Variants in PTPRD observed in about 807,000 individuals in gnomAD.
The protein encoded by PTPRD is receptor-type tyrosine-protein phosphatase delta.
A neutral mutation model predicts 214.5 loss-of-function variants in PTPRD; 34 were observed. That is an observed-to-expected ratio of 0.16 (90% CI 0.12 to 0.21). The LOEUF (loss-of-function observed/expected upper bound fraction) is 0.21. Ranked by LOEUF, PTPRD falls within the 10% of genes least tolerant of loss-of-function variation. The pLI is 1.00. For missense variants in PTPRD, 2,545 were observed against 2,398.7 expected, an observed-to-expected ratio of 1.06 and a Z score of -1.27; for synonymous variants, 1,128 against 845.7, an observed-to-expected ratio of 1.33 and a Z score of -5.79.
chr9:8,740,047 A>G lies in PTPRD; in HGVS notation c.-103-6101T>C, dbSNP rs545005902. Among the ~76,000 whole-genome samples, 61 of 152,244 alleles carry G rather than the reference A, an allele frequency of 4.0e-4. 1 individual carries two copies. Among genetic ancestry groups the G allele is most frequent in the Admixed American group, 1.3e-3 (20 of 15,288 alleles). On this transcript the variant is annotated intron_variant, in intron 11 of 45. Transcript: ENST00000381196. ...ATCAACAGTGTGAAAGCAGACTAAT[A>G]CACTAACCCACCCATGTCCCTCATC...
At chr9:10,337,342 A>T (rs1036755729) in intron 3 of PTPRD, among the ~76,000 whole-genome samples, 2 of 151,714 alleles carry the variant, frequency 1.3e-5, no homozygotes, top group Non-Finnish European at 3.0e-5. Context: ...ATGCTATTCA[A>T]CGTAGCACAC....
At chr9:9,096,438 C>T (rs543695482) in intron 10 of PTPRD, among the ~76,000 whole-genome samples, 13 of 152,258 alleles carry the variant, frequency 8.5e-5, no homozygotes, top group African/African-American at 3.1e-4. Flanking sequence ...AACTCCAGCA[C>T]TGAAAATTAT....
chr9:9,280,335 TATAAC>T (rs1204824928), intron 9 of PTPRD, among the ~76,000 whole-genome samples: 2 of 151,326 alleles, frequency 1.3e-5, no homozygotes, highest in South Asian at 2.1e-4. Context: ...AATAGGGAAA[TATAAC>T]ATATAACTGA....
intron 7 of PTPRD, among the ~76,000 whole-genome samples, chr9:9,698,629 GC>G (rs1308636566): frequency 1.3e-5 from 2 of 152,120 alleles, no homozygotes; most frequent in Non-Finnish European, 2.9e-5. Context: ...CCAGTCTCTG[GC>G]TGTCTTCAGG....
At chr9:9,667,300 G>A (rs1454209570) in intron 7 of PTPRD, among the ~76,000 whole-genome samples, 1 of 151,858 alleles carries the variant, frequency 6.6e-6, no homozygotes, top group Non-Finnish European at 1.5e-5. Context: ...CAAGCCTTAT[G>A]AGATCTTCCC....
At chr9:8,775,693 C>T (rs2095443330) in intron 11 of PTPRD, among the ~76,000 whole-genome samples, 1 of 152,046 alleles carries the variant, frequency 6.6e-6, no homozygotes, top group African/African-American at 2.4e-5. Flanking sequence ...TTCTAAGATC[C>T]AATAACCTGG....
intron 9 of PTPRD, among the ~76,000 whole-genome samples, chr9:9,385,817 T>C (rs1198866763): frequency 6.6e-6 from 1 of 152,158 alleles, no homozygotes; most frequent in Non-Finnish European, 1.5e-5. Flanking sequence ...AATAATCTTG[T>C]AATTAAAGTG....
At chr9:8,741,190 T>G (rs1034183411) in intron 11 of PTPRD, among the ~76,000 whole-genome samples, 17 of 151,450 alleles carry the variant, frequency 1.1e-4, no homozygotes, top group Admixed American at 6.6e-5. Flanking sequence ...AGGTATGCCG[T>G]GAGAAATGAA....
In PTPRD at chr9:8,315,162, C is replaced by T. The variant is rs1821000931; in HGVS notation, c.*2712G>A. The T allele has an allele frequency of 4.3e-6, 1 of 232,468 alleles. No individual in the cohort carries two copies. Among genetic ancestry groups the T allele is most frequent in the Non-Finnish European group, 8.5e-6 (1 of 117,362 alleles). The allele number at this position is 232,468 out of a possible 1,614,324, so 14.4% of individuals were successfully genotyped here. A position where few individuals can be genotyped will look rare whatever the true frequency, so the allele number is the denominator to read the frequency against. On this transcript the variant is annotated 3_prime_UTR_variant, in exon 46 of 46. Transcript: ENST00000381196. ...GGAAATTAAAACTTGAATGGTTGTACAGAAAAGCACAGAGTGGAATGCACA... is the reference window on the plus strand; with the variant it reads ...GGAAATTAAAACTTGAATGGTTGTATAGAAAAGCACAGAGTGGAATGCACA...
At chr9:8,764,208 C>T (rs1184646591) in intron 11 of PTPRD, among the ~76,000 whole-genome samples, 1 of 152,110 alleles carries the variant, frequency 6.6e-6, no homozygotes. Context: ...GTGAAACATG[C>T]TTTTTCTTCT....
chr9:9,138,222 C>G (rs2099854065), intron 10 of PTPRD, among the ~76,000 whole-genome samples: 1 of 151,812 alleles, frequency 6.6e-6, no homozygotes, highest in African/African-American at 2.4e-5. Context: ...AAAGAAATAG[C>G]AAAATCAATT....
chr9:8,508,145 T>C (rs2086447182), intron 21 of PTPRD, among the ~76,000 whole-genome samples: 1 of 152,230 alleles, frequency 6.6e-6, no homozygotes, highest in African/African-American at 2.4e-5. Context: ...AAGAAGTTTA[T>C]AGGATACACT....
intron 10 of PTPRD, among the ~76,000 whole-genome samples, chr9:9,169,707 T>C (rs558042112): frequency 2.0e-5 from 3 of 152,302 alleles, no homozygotes; most frequent in African/African-American, 7.2e-5. Context: ...TTTACTACCA[T>C]GTTTAATACC....
intron 7 of PTPRD, among the ~76,000 whole-genome samples, chr9:9,625,996 C>CA (rs749356990): frequency 2.0e-5 from 3 of 151,838 alleles, no homozygotes; most frequent in African/African-American, 4.8e-5. Context: ...CTTTGTAGCA[C>CA]AAAAAAACAG....
At chr9:10,565,685 A>G (rs1346198152) in intron 2 of PTPRD, among the ~76,000 whole-genome samples, 1 of 152,114 alleles carries the variant, frequency 6.6e-6, no homozygotes, top group African/African-American at 2.4e-5. Context: ...TATACCCAGT[A>G]TAGCAACCTA....
chr9:9,845,554 T>C (rs2059371627), intron 5 of PTPRD, among the ~76,000 whole-genome samples: 1 of 151,766 alleles, frequency 6.6e-6, no homozygotes, highest in South Asian at 2.1e-4. Context: ...CCTAAGGACT[T>C]CTGATATGGC....
chr9:9,548,329 A>G (rs1465906825), intron 8 of PTPRD, among the ~76,000 whole-genome samples: 1 of 151,972 alleles, frequency 6.6e-6, no homozygotes, highest in Non-Finnish European at 1.5e-5. Context: ...CTAATCATTC[A>G]ATTAAAGGGC....
chr9:9,589,516 G>A (rs2092485129), intron 7 of PTPRD, among the ~76,000 whole-genome samples: 1 of 151,854 alleles, frequency 6.6e-6, no homozygotes, highest in Non-Finnish European at 1.5e-5. Context: ...ATTTTTCTTA[G>A]GAAGTTAATC....
intron 24 of PTPRD, among the ~76,000 whole-genome samples, chr9:8,500,252 A>T (rs2097365046): frequency 6.6e-6 from 1 of 152,032 alleles, no homozygotes; most frequent in Middle Eastern, 3.2e-3. Flanking sequence ...CAGAATAAAA[A>T]GATTCTTGAT....
Sources: gnomAD v4.1 joint callset for allele counts (sites outside exome capture counted in the v4.1 genomes callset) on GRCh38, gnomAD v4.1.1 for gene constraint, MANE v1.5 for transcripts, NCBI Gene and HGNC (gene_info 2026-07-23, HGNC 2026-07-21) for gene names.